Variants in BCKDHB observed in about 807,000 individuals in gnomAD.
The protein encoded by BCKDHB is 2-oxoisovalerate dehydrogenase subunit beta, mitochondrial.
BCKDHB carries 41 observed loss-of-function variants against 48.5 expected under a neutral mutation model. The ratio of observed to expected loss-of-function variants is 0.85; its 90% confidence interval spans 0.66 to 1.10. The LOEUF (loss-of-function observed/expected upper bound fraction) is 1.10, where lower values mean the gene tolerates loss of function less well. BCKDHB is among the 50% of genes least tolerant of loss of function. The pLI is 0.00. For missense variants in BCKDHB, 496 were observed against 494.2 expected, an observed-to-expected ratio of 1.00 and a Z score of -0.03; for synonymous variants, 201 against 174.8, an observed-to-expected ratio of 1.15 and a Z score of -1.18.
At position 80,132,756 on chromosome 6, in the gene BCKDHB, AAAATT is replaced by A. The variant is rs375173234; in HGVS notation, c.343+3532_343+3536del. 1.7e-3 allele frequency among the ~76,000 whole-genome samples: 265 copies of A among 152,348 alleles called. 1 individual carries two copies. Among genetic ancestry groups the A allele is most frequent in the African/African-American group, 6.0e-3 (251 of 41,594 alleles). ...AGGTTGAGGATGTTGATCAAGATGA[AAAATT>A]AAATCGCTGATACTTTCTAATGAGA... On this transcript the variant is annotated intron_variant, in intron 3 of 9. Coordinates refer to ENST00000320393, the MANE Select transcript of BCKDHB (RefSeq NM_183050.4).
the BCKDHB span, among the ~76,000 whole-genome samples, chr6:80,379,663 T>C: frequency 6.6e-6 from 1 of 152,010 alleles, no homozygotes. Context: ...ATTATCTCTG[T>C]TTGCTGATGA....
intron 9 of BCKDHB, among the ~76,000 whole-genome samples, chr6:80,315,266 C>T (rs76754797): frequency 6.1e-4 from 93 of 152,208 alleles, no homozygotes; most frequent in African/African-American, 2.1e-3. Flanking sequence ...GTGTGTTGGA[C>T]CCAAGGCCCT....
At chr6:80,400,974 A>T in the BCKDHB span, among the ~76,000 whole-genome samples, 1 of 151,728 alleles carries the variant, frequency 6.6e-6, no homozygotes, top group Admixed American at 6.6e-5. Flanking sequence ...ACACAAATCC[A>T]CATACCATAT....
At chr6:80,187,987 A>G (rs547700927) in intron 6 of BCKDHB, among the ~76,000 whole-genome samples, 1 of 152,326 alleles carries the variant, frequency 6.6e-6, no homozygotes, top group South Asian at 2.1e-4. Flanking sequence ...ATATATGCCC[A>G]AAGGAATATG....
intron 8 of BCKDHB, among the ~76,000 whole-genome samples, chr6:80,256,770 T>C (rs1363167917): frequency 1.3e-5 from 2 of 152,228 alleles, no homozygotes; most frequent in East Asian, 1.9e-4. Context: ...TGACATCTTA[T>C]GTTGGCTTAG....
At position 80,146,512 on chromosome 6, in the gene BCKDHB, T is replaced by C. The variant is rs1191028074; in HGVS notation, c.343+17283T>C. Among the ~76,000 whole-genome samples the C allele has an allele frequency of 7.2e-5, 11 of 152,142 alleles. 1 individual carries two copies. Among genetic ancestry groups the C allele is most frequent in the Admixed American group, 7.2e-4 (11 of 15,260 alleles). On this transcript the variant is annotated intron_variant, in intron 3 of 9. Coordinates refer to ENST00000320393, the MANE Select transcript of BCKDHB (RefSeq NM_183050.4). ...CACTAAAATATCAAGGGATCTTCTTTTGTCAAGGCCTAAATCCGCAGGGAT... is the reference window on the plus strand; with the variant it reads ...CACTAAAATATCAAGGGATCTTCTTCTGTCAAGGCCTAAATCCGCAGGGAT...
At chr6:80,356,969 ACG>A in the BCKDHB span, 1 of 13,180 alleles carries the variant, frequency 7.6e-5, no homozygotes, top group South Asian at 2.6e-3. Context: ...CCCCACACAC[ACG>A]ATTTGTTAGA....
chr6:80,207,883 T>C (rs965683597), intron 8 of BCKDHB, among the ~76,000 whole-genome samples: 1 of 151,642 alleles, frequency 6.6e-6, no homozygotes, highest in African/African-American at 2.4e-5. Context: ...AACACAGAAC[T>C]CAGAAGAGGT....
chr6:80,113,535 T>G (rs892195392), intron 1 of BCKDHB, among the ~76,000 whole-genome samples: 1 of 152,098 alleles, frequency 6.6e-6, no homozygotes, highest in Non-Finnish European at 1.5e-5. Flanking sequence ...GGGCCCAAGT[T>G]GGAAAGGGAA....
the BCKDHB span, among the ~76,000 whole-genome samples, chr6:80,391,860 CTTTTTAAGGGAACATACA>C: frequency 6.6e-6 from 1 of 152,138 alleles, no homozygotes; most frequent in Non-Finnish European, 1.5e-5. Context: ...CAACTGTTCC[CTTTTTAAGGGAACATACA>C]TTTTCTTCCT....
the BCKDHB span, among the ~76,000 whole-genome samples, chr6:80,358,587 T>C: frequency 6.6e-6 from 1 of 152,214 alleles, no homozygotes; most frequent in Non-Finnish European, 1.5e-5. Flanking sequence ...TGGATAAACC[T>C]CCAAAACATT....
chr6:80,355,341 A>G, the BCKDHB span: 1 of 137,028 alleles, frequency 7.3e-6, no homozygotes, highest in Non-Finnish European at 1.5e-5. Flanking sequence ...CAGAGGTTGC[A>G]ATGAGCCGAG....
At chr6:80,413,080 C>T in the BCKDHB span, among the ~76,000 whole-genome samples, 723 of 152,162 alleles carry the variant, frequency 4.8e-3, 14 homozygotes, top group Admixed American at 0.035. Flanking sequence ...GTCATTATTT[C>T]TTTAAATTAG....
chr6:80,376,096 G>A, the BCKDHB span, among the ~76,000 whole-genome samples: 9 of 152,118 alleles, frequency 5.9e-5, no homozygotes, highest in Non-Finnish European at 1.3e-4. Flanking sequence ...TTTGTCTTCA[G>A]CTACCAAGGT....
At chr6:80,163,509 T>C (rs985984662) in intron 3 of BCKDHB, among the ~76,000 whole-genome samples, 1 of 152,162 alleles carries the variant, frequency 6.6e-6, no homozygotes, top group African/African-American at 2.4e-5. Flanking sequence ...TTGTTTTCCT[T>C]CTCAACTTGG....
the BCKDHB span, among the ~76,000 whole-genome samples, chr6:80,450,413 C>T: frequency 1.3e-5 from 2 of 151,882 alleles, no homozygotes; most frequent in Non-Finnish European, 1.5e-5. Context: ...GAGACAAGAT[C>T]GTGGATCCTA....
chr6:80,423,141 G>C, the BCKDHB span, among the ~76,000 whole-genome samples: 1 of 152,152 alleles, frequency 6.6e-6, no homozygotes, highest in East Asian at 1.9e-4. Flanking sequence ...ATAGCAAGGA[G>C]TTCTCACAAG....
rs1042367 is a variant in BCKDHB, at chr6:80,344,946, C to T, written c.*1142C>T. On this transcript the variant is annotated 3_prime_UTR_variant, in exon 10 of 10. Transcript: ENST00000320393. ...TTATCTGAAAAATGGATTTCTTGAG[C>T]AAAAGATCTGTTTATTGTATGTAAG... 1 of 152,138 alleles carries T rather than the reference C, an allele frequency of 6.6e-6. No individual in the cohort carries two copies. Among genetic ancestry groups the T allele is most frequent in the African/African-American group, 2.4e-5 (1 of 41,482 alleles). 9.4% of individuals were successfully genotyped at this position (152,138 alleles called of 1,614,324 possible).
the BCKDHB span, among the ~76,000 whole-genome samples, chr6:80,451,585 A>C: frequency 6.6e-6 from 1 of 152,088 alleles, no homozygotes; most frequent in South Asian, 2.1e-4. Flanking sequence ...AAAAAATACA[A>C]AAATTAGTCG....
Sources: gnomAD v4.1 joint callset for allele counts (sites outside exome capture counted in the v4.1 genomes callset) on GRCh38, gnomAD v4.1.1 for gene constraint, MANE v1.5 for transcripts, NCBI Gene and HGNC (gene_info 2026-07-23, HGNC 2026-07-21) for gene names.